The following MYO19 variants were observed in gnomAD, a reference collection of about 807,000 sequenced individuals.
MYO19 encodes unconventional myosin-XIX.
Under a neutral mutation model 129.2 loss-of-function variants are expected in MYO19, and 132 were observed. The ratio of observed to expected loss-of-function variants is 1.02; its 90% CI spans 0.89 to 1.18. The LOEUF (loss-of-function observed/expected upper bound fraction) is 1.18, where lower values mean the gene tolerates loss of function less well. Ranked by LOEUF, MYO19 falls within the 50% of genes most tolerant of loss-of-function variation. MYO19 has a pLI of 0.00. For synonymous variants in MYO19, 531 were observed against 477.2 expected (o/e 1.11, Z -1.47); for missense variants, 1,210 against 1,216.7 (o/e 0.99, Z 0.08).
upstream of MYO19, among the ~76,000 whole-genome samples, chr17:36,535,915 G>A (rs1438262761): frequency 6.6e-6 from 1 of 151,998 alleles, no homozygotes; most frequent in African/African-American, 2.4e-5. Context: ...TCTCGGCTAG[G>A]ACTTTTATTT....
intron 24 of MYO19, 191 bp downstream of exon 24, chr17:36,498,884 C>A (rs1037313487): frequency 3.3e-6 from 2 of 597,448 alleles, no homozygotes; most frequent in Admixed American, 2.9e-5. Context: ...CCACTCTTCA[C>A]CTACATAACC....
In MYO19 at chr17:36,527,082, CT is replaced by C. The variant is rs531762733; in HGVS notation, c.300+468del. On this transcript the variant is annotated intron_variant, in intron 5 of 25. Transcript: ENST00000614623. Reference sequence around the variant, plus strand: ...TCAGGAGGCTGAAGCAGGAGAATTGCTTGAACTCAGGAGGTGGAGGTTGCGC... The same window carrying C: ...TCAGGAGGCTGAAGCAGGAGAATTGCTGAACTCAGGAGGTGGAGGTTGCGC... Among the ~76,000 whole-genome samples, 319 of 152,172 alleles carry C rather than the reference CT, an allele frequency of 2.1e-3. 2 individuals carry two copies. The highest frequency in any genetic ancestry group is 1.4e-3 in the Non-Finnish European group (95 of 68,014).
chr17:36,507,767 A>G, intron 15 of MYO19, 36 bp downstream of exon 15: 1 of 1,556,800 alleles, frequency 6.4e-7, no homozygotes, highest in South Asian at 1.2e-5. Context: ...GAGGATCCAA[A>G]AGAAGGACCT....
At chr17:36,513,806 T>C in intron 9 of MYO19, 81 bp from the exon 10 acceptor site, 1 of 1,265,370 alleles carries the variant, frequency 7.9e-7, no homozygotes, top group Non-Finnish European at 1.1e-6. Context: ...GGGGTTGGGA[T>C]AAGAGGAGAG....
chr17:36,537,506 T>C (rs150604569), upstream of MYO19: 12 of 1,614,094 alleles, frequency 7.4e-6, no homozygotes, highest in African/African-American at 1.6e-4. Context: ...TCCGTGTAAT[T>C]ACCAGTGCGT....
chr17:36,541,025 G>T (rs985580281), intron 2 of MYO19, among the ~76,000 whole-genome samples: 1 of 151,692 alleles, frequency 6.6e-6, no homozygotes, highest in Non-Finnish European at 1.5e-5. Context: ...GTCTTGCTCT[G>T]TTACCCAGGC....
At position 36,510,805 on chromosome 17, in the gene MYO19, G is replaced by A. The variant is rs778755391; in HGVS notation, c.1098C>T (p.Pro366=). The A allele has an allele frequency of 6.2e-7, 1 of 1,600,450 alleles. No homozygotes were observed. Among genetic ancestry groups the A allele is most frequent in the Non-Finnish European group, 8.5e-7 (1 of 1,173,784 alleles). ...AGRQQQVFRK[P]CARAECDTRR... ...GGGTGTCACACTCGGCTCGGGCGCA[G>A]GGCTTCCGGAACACCTGCTGCTGTC... The change falls in exon 13 of 26, where the codon CCC becomes CCT. Residue 366 remains proline (P), a synonymous_variant. Transcript: ENST00000614623.
rs759997968 is a variant in MYO19, at chr17:36,507,875, T to C, written c.1281A>G (p.Glu427=). 2 of 1,612,934 alleles carry C rather than the reference T, an allele frequency of 1.2e-6. No individual in the cohort carries two copies. Among genetic ancestry groups the C allele is most frequent in the Admixed American group, 3.3e-5 (2 of 59,924 alleles). ...CATTGGCGTAGTTGATGCACAACTG[T>C]TCCAGACTGTTGTCAGGAAATGATT... is the stretch of plus-strand genomic sequence containing the variant. The part of the protein sequence containing the change: ...GFESFPDNSL[E]QLCINYANEK... Residue 427 remains glutamate, a synonymous_variant, in exon 15 of 26, where the codon GAA becomes GAG. Coordinates refer to ENST00000614623, the MANE Select transcript of MYO19 (RefSeq NM_001163735.2).
At chr17:36,532,076 A>G (rs372532487) in intron 3 of MYO19, among the ~76,000 whole-genome samples, 8 of 152,238 alleles carry the variant, frequency 5.3e-5, no homozygotes, top group African/African-American at 1.9e-4. Flanking sequence ...ATCCTTCTAT[A>G]TTTCCTCATA....
At chr17:36,540,339 C>A (rs2074190513) in intron 2 of MYO19, among the ~76,000 whole-genome samples, 1 of 151,896 alleles carries the variant, frequency 6.6e-6, no homozygotes, top group South Asian at 2.1e-4. Flanking sequence ...GCGTCGTGAT[C>A]CTGGCCTATA....
chr17:36,510,878 T>C lies in MYO19; in HGVS notation c.1025A>G (p.Glu342Gly). ...RTAASLLGLPEDVLLEMVQIR... is the reference protein window; with the variant it reads ...RTAASLLGLPGDVLLEMVQIR... ...CTGCACCATCTCCAGCAGCACGTCC[T>C]CTGGGAGCCCCAGCAGCGAGGCTGC... Residue 342 changes from glutamate (E) to glycine (G), a missense_variant, in exon 13 of 26, where the codon GAG becomes GGG. Coordinates refer to ENST00000614623, the MANE Select transcript of MYO19 (RefSeq NM_001163735.2). The C allele has an allele frequency of 1.9e-6, 3 of 1,582,662 alleles. No individual in the cohort carries two copies. Among genetic ancestry groups the C allele is most frequent in the Non-Finnish European group, 2.6e-6 (3 of 1,164,208 alleles).
In MYO19 at chr17:36,504,970, G is replaced by A. The variant is rs1261300974; in HGVS notation, c.1905+327C>T. The A allele has an allele frequency of 1.5e-5, 7 of 480,960 alleles. No individual in the cohort carries two copies. The East Asian group carries it at 1.8e-4, about 12-fold the overall frequency. 29.8% of individuals were successfully genotyped at this position (480,960 alleles called of 1,614,324 possible). A position where few individuals can be genotyped will look rare whatever the true frequency, so the allele number is the denominator to read the frequency against. On this transcript the variant is annotated intron_variant, in intron 19 of 25. Coordinates refer to ENST00000614623, the MANE Select transcript of MYO19 (RefSeq NM_001163735.2). ...CTCCAGTGAGAAATGGCTGCACTGT[G>A]CGGGGACTGTGTGGTGATGTAGACT...
Position 36,506,602 on chromosome 17 carries a change from T to C in MYO19, c.1651A>G (p.Ile551Val), listed in dbSNP as rs371922977. Residue 551 changes from isoleucine (I) to valine (V), a missense_variant, in exon 18 of 26, where the codon ATC (isoleucine) becomes GTC (valine). Physicochemically the swap from Ile to Val is conservative, Grantham distance 29 (BLOSUM62 3). Transcript: ENST00000614623. ...AGGAGCCTGGTCAGCTCAGGTGGGA[T>C]AGGGTCCTATTGGGAAATGGCAAGA... ...AGLVEKNKDP[I>V]PPELTRLLQQ... The C allele has an allele frequency of 1.2e-5, 19 of 1,531,330 alleles. No individual in the cohort carries two copies. The African/African-American group carries it at 1.8e-4, about 15-fold the overall frequency. The allele number at this position is 1,531,330 out of a possible 1,614,324, so 94.9% of individuals were successfully genotyped here.
Position 36,503,145 on chromosome 17 carries a change from A to C in MYO19, c.2032T>G (p.Cys678Gly). 1.9e-6 allele frequency: 3 copies of C among 1,614,054 alleles called. No homozygotes were observed. The highest frequency in any genetic ancestry group is 2.5e-6 in the Non-Finnish European group (3 of 1,179,910). The stretch of plus-strand genomic sequence containing the variant: ...GGGCTGTCGGGGCCAGAGGATGTGC[A>C]AGGATGAAGCCTTCTTAGTAACTTG... ...RYKLLRRLHP[C>G]TSSGPDSPYP... Residue 678 changes from cysteine (C) to glycine (G), a missense_variant, in exon 21 of 26, where the codon TGC becomes GGC. Cys to Gly is a radical substitution (Grantham distance 159, BLOSUM62 -3). Transcript: ENST00000614623.
Position 36,510,749 on chromosome 17 carries a change from G to A in MYO19, c.1154C>T (p.Ala385Val), listed in dbSNP as rs747053920. 1.2e-5 allele frequency: 19 copies of A among 1,602,944 alleles called. No homozygotes were observed. Among genetic ancestry groups the A allele is most frequent in the South Asian group, 1.0e-4 (9 of 89,184 alleles). The part of the protein sequence containing the change: ...RRDCLAKLIY[A>V]RLFDWLVSVI... ...AGGGGCCAGAGTAACTGCTCACCGC[G>A]CATAGATCAGTTTGGCCAGGCAGTC... Residue 385 changes from alanine (A) to valine (V), a missense_variant, in exon 13 of 26, where the codon GCG becomes GTG. Coordinates refer to ENST00000614623, the MANE Select transcript of MYO19 (RefSeq NM_001163735.2).
upstream of MYO19, among the ~76,000 whole-genome samples, chr17:36,544,206 GACGCAC>G (rs2142640288): frequency 6.6e-6 from 1 of 152,326 alleles, no homozygotes; most frequent in African/African-American, 2.4e-5. Flanking sequence ...CTTTGGCCAA[GACGCAC>G]ACACACACAC....
chr17:36,515,795 T>A lies in MYO19; in HGVS notation c.547+63A>T, dbSNP rs575131368. 81 of 1,556,202 alleles carry A rather than the reference T, an allele frequency of 5.2e-5. No homozygotes were observed. The African/African-American group carries it at 1.0e-3, about 20-fold the overall frequency. On this transcript the variant is annotated intron_variant, in intron 7 of 25. Coordinates refer to ENST00000614623, the MANE Select transcript of MYO19 (RefSeq NM_001163735.2). Reference sequence around the variant, plus strand: ...GGTCTCAAAGCACTGTCCCTCTCCCTGGAAGGTGGAAAATCCCAGAGGAAA... The same window carrying A: ...GGTCTCAAAGCACTGTCCCTCTCCCAGGAAGGTGGAAAATCCCAGAGGAAA...
chr17:36,509,285 C>A (rs2072150330), intron 13 of MYO19, 150 bp from the exon 14 acceptor site: 1 of 677,248 alleles, frequency 1.5e-6, no homozygotes, highest in Non-Finnish European at 2.6e-6. Context: ...CCTCTTGCTT[C>A]CGGCCTATCA....
intron 12 of MYO19, chr17:36,511,144 T>A (rs991549067): frequency 3.0e-6 from 2 of 672,508 alleles, no homozygotes; most frequent in African/African-American, 3.6e-5. Flanking sequence ...ACAAATCACT[T>A]TACAAACCTC....
Sources: gnomAD v4.1 joint callset for allele counts (sites outside exome capture counted in the v4.1 genomes callset) on GRCh38, gnomAD v4.1.1 for gene constraint, MANE v1.5 for transcripts, NCBI Gene and HGNC (gene_info 2026-07-23, HGNC 2026-07-21) for gene names.